Variants in SCCPDH observed in about 807,000 individuals in gnomAD.
SCCPDH encodes saccharopine dehydrogenase-like oxidoreductase.
In SCCPDH, 34 loss-of-function variants were observed where a neutral mutation model predicts 51.5. The ratio of observed to expected loss-of-function variants is 0.66; its 90% CI spans 0.50 to 0.88. The LOEUF is 0.88. Among genes scored for constraint, SCCPDH ranks in the 40% least tolerant of loss-of-function variants. The pLI is 0.00. For missense variants in SCCPDH, 464 were observed against 527.1 expected, an observed-to-expected ratio of 0.88 and a Z score of 1.17; for synonymous variants, 187 against 191.3, an observed-to-expected ratio of 0.98 and a Z score of 0.19.
intron 2 of SCCPDH, among the ~76,000 whole-genome samples, chr1:246,727,406 C>A (rs116778041): frequency 1.2e-3 from 181 of 152,274 alleles, no homozygotes; most frequent in Admixed American, 2.2e-3. Flanking sequence ...AAAAACGACT[C>A]ATTTATTGAA....
chr1:246,741,117 C>CA (rs1326495766), intron 4 of SCCPDH, among the ~76,000 whole-genome samples: 4 of 151,670 alleles, frequency 2.6e-5, no homozygotes, highest in Non-Finnish European at 5.9e-5. Flanking sequence ...AAAACAAAAA[C>CA]AAAAAACAAA....
chr1:246,729,055 A>G (rs1668445663), intron 2 of SCCPDH, among the ~76,000 whole-genome samples: 1 of 152,164 alleles, frequency 6.6e-6, no homozygotes, highest in African/African-American at 2.4e-5. Flanking sequence ...GCAAGTTTTT[A>G]TTAGGGATTT....
intron 4 of SCCPDH, among the ~76,000 whole-genome samples, chr1:246,742,442 T>C (rs961545363): frequency 6.6e-6 from 1 of 152,258 alleles, no homozygotes; most frequent in Non-Finnish European, 1.5e-5. Context: ...TGATTGTTGA[T>C]GCAGGTGGTC....
intron 2 of SCCPDH, among the ~76,000 whole-genome samples, chr1:246,733,210 G>A (rs943978149): frequency 5.9e-5 from 9 of 151,910 alleles, no homozygotes; most frequent in Non-Finnish European, 1.0e-4. Flanking sequence ...CCTCAGCCCT[G>A]AAAGTAGCTG....
intron 5 of SCCPDH, among the ~76,000 whole-genome samples, chr1:246,756,455 A>G (rs897955072): frequency 3.3e-5 from 5 of 152,246 alleles, no homozygotes; most frequent in Admixed American, 6.5e-5. Flanking sequence ...ATTTAATAAA[A>G]TTGTATTAGG....
intron 9 of SCCPDH, 85 bp from the exon 10 acceptor site, chr1:246,764,161 A>G: frequency 1.3e-6 from 1 of 761,784 alleles, no homozygotes; most frequent in Non-Finnish European, 2.2e-6. Flanking sequence ...ACAATGTCTC[A>G]CTTGAAATAG....
chr1:246,750,478 A>G (rs563246854), intron 5 of SCCPDH, among the ~76,000 whole-genome samples: 46 of 152,178 alleles, frequency 3.0e-4, no homozygotes, highest in Non-Finnish European at 4.9e-4. Flanking sequence ...ATGGCACCCG[A>G]GTCTCTAGAC....
intron 7 of SCCPDH, 75 bp from the exon 8 acceptor site, chr1:246,759,882 T>C (rs1668984847): frequency 4.8e-6 from 7 of 1,461,672 alleles, no homozygotes; most frequent in Non-Finnish European, 5.6e-6. Flanking sequence ...AAGAGAAAGG[T>C]ACAAGTAACT....
At chr1:246,761,242 T>G (rs1669008110) in intron 9 of SCCPDH, among the ~76,000 whole-genome samples, 1 of 152,098 alleles carries the variant, frequency 6.6e-6, no homozygotes. Context: ...GCCCGGATAA[T>G]TTTTTTGTAT....
chr1:246,759,981 G>T lies in SCCPDH; in HGVS notation c.838G>T (p.Val280Leu). ...GGTTCAGTATGCTGCGTATGTAACT[G>T]TGGGAGGCATCACCTCTGTTATTAA... ...SPVQYAAYVT[V>L]GGITSVIKLM... Residue 280 changes from valine to leucine, a missense_variant, in exon 8 of 12, where the codon GTG becomes TTG. Transcript: ENST00000366510. 6.2e-7 allele frequency: 1 copy of T among 1,613,620 alleles called. No homozygotes were observed. The highest frequency in any genetic ancestry group is 8.5e-7 in the Non-Finnish European group (1 of 1,179,824).
In SCCPDH at chr1:246,747,724, G is replaced by A. The variant is rs141507676; in HGVS notation, c.564+3599G>A. 6.3e-3 allele frequency among the ~76,000 whole-genome samples: 961 copies of A among 151,944 alleles called. 15 individuals carry two copies. The highest frequency in any genetic ancestry group is 0.022 in the African/African-American group (919 of 41,382). ...TTGGACTGCAGTCTAAGCTAATTCC[G>A]ATTGGCTATTTTAAAGAGAGCAGGG... is the stretch of plus-strand genomic sequence containing the variant. On this transcript the variant is annotated intron_variant, in intron 5 of 11. Transcript: ENST00000366510.
intron 4 of SCCPDH, among the ~76,000 whole-genome samples, chr1:246,743,246 C>T (rs941044491): frequency 7.2e-5 from 11 of 152,050 alleles, no homozygotes; most frequent in African/African-American, 2.7e-4. Flanking sequence ...TAGTAGTAGT[C>T]CCTAGGACTA....
At chr1:246,734,373 A>G (rs1214349928) in intron 2 of SCCPDH, among the ~76,000 whole-genome samples, 1 of 152,194 alleles carries the variant, frequency 6.6e-6, no homozygotes, top group Non-Finnish European at 1.5e-5. Flanking sequence ...TGTTTTATTC[A>G]TTTGGTAGGC....
chr1:246,747,977 CATT>C (rs1174372310), intron 5 of SCCPDH, among the ~76,000 whole-genome samples: 2 of 152,202 alleles, frequency 1.3e-5, no homozygotes, highest in Non-Finnish European at 2.9e-5. Context: ...TCTCAGGACT[CATT>C]GTACGTAACA....
In SCCPDH at chr1:246,736,741, A is replaced by G. The variant is rs573070735; in HGVS notation, c.384+686A>G. Reference sequence around the variant, plus strand: ...AAGAAAATTCAGTTACCTTTATAACATTACAGAAAAATAAAGGTAAAATTC... The same window carrying G: ...AAGAAAATTCAGTTACCTTTATAACGTTACAGAAAAATAAAGGTAAAATTC... On this transcript the variant is annotated intron_variant, in intron 3 of 11. Transcript: ENST00000366510. Among the ~76,000 whole-genome samples the G allele has an allele frequency of 6.6e-5, 10 of 152,306 alleles. 1 individual carries two copies. The South Asian group carries it at 2.1e-3, about 32-fold the overall frequency.
rs771202375 is a variant in SCCPDH, at chr1:246,764,271, C to T, written c.1016C>T (p.Thr339Ile). 3.7e-6 allele frequency: 6 copies of T among 1,613,472 alleles called. No individual in the cohort carries two copies. Among genetic ancestry groups the T allele is most frequent in the Admixed American group, 3.3e-5 (2 of 59,926 alleles). Reference sequence around the variant, plus strand: ...ATTGATGCTGCCTCATTCACGCTGACATTCTTTGGTCAAGGATACAGCCAA... The same window carrying T: ...ATTGATGCTGCCTCATTCACGCTGATATTCTTTGGTCAAGGATACAGCCAA... ...KQIDAASFTLTFFGQGYSQGT... is the reference protein window; with the variant it reads ...KQIDAASFTLIFFGQGYSQGT... Residue 339 changes from threonine to isoleucine, a missense_variant, in exon 10 of 12, where the codon ACA (threonine) becomes ATA (isoleucine). Transcript: ENST00000366510.
chr1:246,735,534 T>C (rs1668552701), intron 2 of SCCPDH, among the ~76,000 whole-genome samples: 1 of 152,188 alleles, frequency 6.6e-6, no homozygotes, highest in South Asian at 2.1e-4. Flanking sequence ...TCTTCTCAGT[T>C]TATCTTTTTG....
At chr1:246,737,109 A>T (rs1194047511) in intron 3 of SCCPDH, among the ~76,000 whole-genome samples, 2 of 152,102 alleles carry the variant, frequency 1.3e-5, no homozygotes, top group African/African-American at 4.8e-5. Context: ...GTAACTACTG[A>T]TTATCATCAT....
chr1:246,726,076 C>G lies in SCCPDH; in HGVS notation c.191-816C>G, dbSNP rs1357520259. ...GTTTCACCGTGTTAGTGAGGATGGT[C>G]TCGATCTGCTGACCTCGTGATCCAC... On this transcript the variant is annotated intron_variant, in intron 1 of 11. Coordinates refer to ENST00000366510, the MANE Select transcript of SCCPDH (RefSeq NM_016002.3). 2.0e-5 allele frequency among the ~76,000 whole-genome samples: 3 copies of G among 151,776 alleles called. No homozygotes were observed. In the East Asian group the frequency reaches 5.8e-4, roughly 29 times the overall value.
Sources: allele counts gnomAD v4.1 joint callset (sites outside exome capture counted in the v4.1 genomes callset), GRCh38; gene constraint gnomAD v4.1.1; transcripts MANE v1.5; gene names NCBI Gene and HGNC (gene_info 2026-07-23, HGNC 2026-07-21).